SUGCT: variants seen among roughly 807,000 people sequenced by gnomAD.
The protein encoded by SUGCT is succinyl-CoA:glutarate CoA-transferase.
Under a neutral mutation model 55.0 loss-of-function variants are expected in SUGCT, and 41 were observed. The ratio of observed to expected loss-of-function variants is 0.74; its 90% confidence interval spans 0.58 to 0.97. SUGCT has a LOEUF of 0.97. Ranked by LOEUF, SUGCT falls within the 50% of genes least tolerant of loss-of-function variation. The pLI is 0.00. For synonymous variants in SUGCT, 187 were observed against 200.4 expected (o/e 0.93, Z 0.56); for missense variants, 568 against 547.8 (o/e 1.04, Z -0.37).
At chr7:40,320,341 A>G (rs1795661864) in intron 9 of SUGCT, among the ~76,000 whole-genome samples, 1 of 152,050 alleles carries the variant, frequency 6.6e-6, no homozygotes. Context: ...CCTGACCTCA[A>G]GTGATCTGGC....
At chr7:40,498,333 C>CAGTA (rs1792097985) in intron 12 of SUGCT, among the ~76,000 whole-genome samples, 2 of 152,190 alleles carry the variant, frequency 1.3e-5, no homozygotes, top group African/African-American at 2.4e-5. Context: ...AGCAGAAACT[C>CAGTA]AGTACACAAT....
intron 13 of SUGCT, among the ~76,000 whole-genome samples, chr7:40,854,464 CTTTCTTT>C (rs1173871861): frequency 2.2e-5 from 3 of 137,650 alleles, no homozygotes; most frequent in Non-Finnish European, 3.1e-5. Flanking sequence ...TTCTTTCTTT[CTTTCTTT>C]CTTTCTCTTT....
At chr7:40,714,558 A>G (rs868354262) in intron 12 of SUGCT, among the ~76,000 whole-genome samples, 2 of 152,122 alleles carry the variant, frequency 1.3e-5, no homozygotes, top group Non-Finnish European at 2.9e-5. Context: ...TTACTCCCCA[A>G]ATGAAAACCA....
intron 11 of SUGCT, among the ~76,000 whole-genome samples, chr7:40,487,810 T>G (rs928956484): frequency 3.9e-5 from 6 of 152,096 alleles, no homozygotes; most frequent in Non-Finnish European, 7.4e-5. Flanking sequence ...TATTTTTTTC[T>G]GAGTCTAGGA....
chr7:40,959,185 C>T, the SUGCT span, among the ~76,000 whole-genome samples: 5 of 152,220 alleles, frequency 3.3e-5, no homozygotes, highest in South Asian at 4.1e-4. Context: ...CTTATCAGAG[C>T]GTGAGCGCTG....
chr7:40,437,757 T>C (rs534617719), intron 9 of SUGCT, among the ~76,000 whole-genome samples: 16 of 152,142 alleles, frequency 1.1e-4, no homozygotes, highest in Non-Finnish European at 1.9e-4. Context: ...AACATTCTCA[T>C]GGCGGTAAGT....
intron 3 of SUGCT, 46 bp from the exon 4 acceptor site, chr7:40,188,449 A>AAG: frequency 7.5e-7 from 1 of 1,335,770 alleles, no homozygotes; most frequent in South Asian, 1.3e-5. Context: ...AAAAAAAAAA[A>AAG]AAAAAACAAA....
the SUGCT span, among the ~76,000 whole-genome samples, chr7:41,025,044 C>T: frequency 1.3e-5 from 2 of 152,108 alleles, no homozygotes; most frequent in African/African-American, 4.8e-5. Context: ...GGATAAAGAG[C>T]AAGTTACAAA....
At chr7:40,730,867 A>T (rs952984435) in intron 12 of SUGCT, among the ~76,000 whole-genome samples, 3 of 152,238 alleles carry the variant, frequency 2.0e-5, no homozygotes, top group Non-Finnish European at 4.4e-5. Flanking sequence ...TGACAGAATC[A>T]CCTTCTCTTT....
the SUGCT span, among the ~76,000 whole-genome samples, chr7:41,008,131 A>G: frequency 1.3e-5 from 2 of 152,208 alleles, no homozygotes; most frequent in Admixed American, 1.3e-4. Flanking sequence ...GGGGAGCCTG[A>G]AGGAGGGCTG....
At chr7:40,540,812 C>T (rs190273795) in intron 12 of SUGCT, among the ~76,000 whole-genome samples, 38 of 152,332 alleles carry the variant, frequency 2.5e-4, no homozygotes, top group Non-Finnish European at 4.0e-4. Flanking sequence ...GCATTAACAC[C>T]TTCTTCCTTC....
At chr7:40,299,802 A>G (rs1794419244) in intron 8 of SUGCT, among the ~76,000 whole-genome samples, 1 of 152,136 alleles carries the variant, frequency 6.6e-6, no homozygotes, top group Admixed American at 6.6e-5. Context: ...CTTCACTGGT[A>G]TTTTTTGGAA....
At chr7:40,552,032 C>G (rs1432219829) in intron 12 of SUGCT, among the ~76,000 whole-genome samples, 1 of 152,162 alleles carries the variant, frequency 6.6e-6, no homozygotes, top group African/African-American at 2.4e-5. Flanking sequence ...AAAACAAAAG[C>G]ATCTATGAGG....
Position 40,693,390 on chromosome 7 carries a change from A to G in SUGCT, c.1090-56044A>G, listed in dbSNP as rs528819142. ...AATTAATAGCACACTTTCAGGTGCT[A>G]TTCCAAATGCTTTACATGCATTCAT... On this transcript the variant is annotated intron_variant, in intron 12 of 13. Coordinates refer to ENST00000335693, the MANE Select transcript of SUGCT (RefSeq NM_001193313.2). 2.7e-3 allele frequency among the ~76,000 whole-genome samples: 408 copies of G among 152,354 alleles called. 18 individuals are homozygous for G. The South Asian group carries it at 0.081, about 30-fold the overall frequency.
chr7:40,982,808 C>A, the SUGCT span, among the ~76,000 whole-genome samples: 3 of 152,032 alleles, frequency 2.0e-5, no homozygotes, highest in Admixed American at 2.0e-4. Context: ...CCACTATGCC[C>A]AGCTAATTTT....
At chr7:40,258,401 C>T (rs571629389) in intron 7 of SUGCT, among the ~76,000 whole-genome samples, 13 of 152,192 alleles carry the variant, frequency 8.5e-5, no homozygotes, top group African/African-American at 1.4e-4. Context: ...CTTTTTGAGA[C>T]GGAGTCTTAC....
intron 12 of SUGCT, among the ~76,000 whole-genome samples, chr7:40,645,491 TG>T (rs1318002028): frequency 6.6e-6 from 1 of 152,170 alleles, no homozygotes; most frequent in Non-Finnish European, 1.5e-5. Context: ...TTCAATTGCT[TG>T]CAAAGAAGGC....
At chr7:40,701,286 C>T (rs1785160748) in intron 12 of SUGCT, among the ~76,000 whole-genome samples, 2 of 152,202 alleles carry the variant, frequency 1.3e-5, no homozygotes, top group African/African-American at 4.8e-5. Flanking sequence ...AACTTGTCCT[C>T]TAGGAAGTGT....
At chr7:40,225,960 A>C (rs1788321447) in intron 6 of SUGCT, among the ~76,000 whole-genome samples, 1 of 152,162 alleles carries the variant, frequency 6.6e-6, no homozygotes, top group Non-Finnish European at 1.5e-5. Context: ...GACACATATG[A>C]AGCACCAACA....
Sources: gnomAD v4.1 joint callset for allele counts (sites outside exome capture counted in the v4.1 genomes callset) on GRCh38, gnomAD v4.1.1 for gene constraint, MANE v1.5 for transcripts, NCBI Gene and HGNC (gene_info 2026-07-23, HGNC 2026-07-21) for gene names.